Variants in NLRP6 observed in about 807,000 individuals in gnomAD.
NLRP6 encodes NACHT, LRR and PYD domains-containing protein 6.
A neutral mutation model predicts 70.9 loss-of-function variants in NLRP6; 55 were observed. The observed-to-expected ratio is 0.78, with a 90% CI of 0.62 to 0.97. The LOEUF is 0.97. Among genes scored for constraint, NLRP6 ranks in the 50% least tolerant of loss-of-function variants. NLRP6 has a pLI of 0.00. For missense variants in NLRP6, 1,241 were observed against 1,238.3 expected, an observed-to-expected ratio of 1.00 and a Z score of -0.03; for synonymous variants, 652 against 581.9, an observed-to-expected ratio of 1.12 and a Z score of -1.73.
In NLRP6 at chr11:281,813, G is replaced by A. The variant is rs780279809; in HGVS notation, c.2079G>A (p.Arg693=). The change falls in exon 4 of 8, where the codon CGG becomes CGA. Residue 693 remains arginine (R), a synonymous_variant. Transcript: ENST00000534750. ...QEKKKKSLGK[R]LQASLGGGSS... is the part of the protein sequence containing the mutation. Reference sequence around the variant, plus strand: ...AGAAGAAGAAGAGCCTGGGGAAGCGGCTCCAGGCCAGCCTGGGTGGCGGCA... The same window carrying A: ...AGAAGAAGAAGAGCCTGGGGAAGCGACTCCAGGCCAGCCTGGGTGGCGGCA... The A allele has an allele frequency of 1.3e-6, 2 of 1,588,052 alleles. No individual in the cohort carries two copies. Among genetic ancestry groups the A allele is most frequent in the African/African-American group, 1.3e-5 (1 of 74,666 alleles).
At chr11:279,930 G>A in intron 3 of NLRP6, 58 bp downstream of exon 3, 1 of 1,463,734 alleles carries the variant, frequency 6.8e-7, no homozygotes, top group South Asian at 1.4e-5. Flanking sequence ...GGGTCCCGGG[G>A]AGGACCGGGG....
Position 280,121 on chromosome 11 carries a change from G to A in NLRP6, c.387G>A (p.Leu129=). The part of the protein sequence containing the change: ...KKKYREHVLQ[L]HARVKERNAR... The stretch of plus-strand genomic sequence containing the variant: ...AGTACCGGGAGCACGTGCTGCAGCT[G>A]CACGCTCGGGTGAAGGAGAGGAACG... Residue 129 remains leucine (L), a synonymous_variant, in exon 4 of 8, where the codon CTG becomes CTA. Coordinates refer to ENST00000534750, the MANE Select transcript of NLRP6 (RefSeq NM_001276700.2). The A allele has an allele frequency of 1.3e-6, 2 of 1,531,616 alleles. No homozygotes were observed. The highest frequency in any genetic ancestry group is 1.8e-6 in the Non-Finnish European group (2 of 1,141,386). The allele number at this position is 1,531,616 out of a possible 1,614,324, so 94.9% of individuals were successfully genotyped here. A position where few individuals can be genotyped will look rare whatever the true frequency, so the allele number is the denominator to read the frequency against.
At position 284,606 on chromosome 11, in the gene NLRP6, T is replaced by C; in HGVS notation, c.2501T>C (p.Val834Ala). The C allele has an allele frequency of 6.2e-7, 1 of 1,610,692 alleles. No homozygotes were observed. Among genetic ancestry groups the C allele is most frequent in the South Asian group, 1.1e-5 (1 of 90,994 alleles). Residue 834 changes from valine to alanine, a missense_variant, in exon 7 of 8, where the codon GTC (valine) becomes GCC (alanine). Physicochemically the swap from Val to Ala is moderately conservative, Grantham distance 64. Transcript: ENST00000534750. ...CCCATGGTGACCTACCTGTGTGCAG[T>C]CCTGCAGCACCAGGGATGCGGCCTG... ...PAPMVTYLCA[V>A]LQHQGCGLQT...
chr11:281,693 C>T lies in NLRP6; in HGVS notation c.1959C>T (p.Arg653=), dbSNP rs1845482154. 1 of 1,613,352 alleles carries T rather than the reference C, an allele frequency of 6.2e-7. No individual in the cohort carries two copies. The highest frequency in any genetic ancestry group is 8.5e-7 in the Non-Finnish European group (1 of 1,180,042). The change falls in exon 4 of 8, where the codon CGC becomes CGT. Residue 653 remains arginine (R), a synonymous_variant. Transcript: ENST00000534750. The part of the protein sequence containing the change: ...ELALQRVRFC[R]MDVAVLSYCV... ...CGCTGCAGCGAGTGCGCTTCTGCCG[C>T]ATGGACGTGGCTGTTCTGAGCTACT...
At position 281,228 on chromosome 11, in the gene NLRP6, C is replaced by A. The variant is rs1359872000; in HGVS notation, c.1494C>A (p.Ile498=). 6.2e-7 allele frequency: 1 copy of A among 1,613,226 alleles called. No homozygotes were observed. Among genetic ancestry groups the A allele is most frequent in the East Asian group, 2.2e-5 (1 of 44,884 alleles). The change falls in exon 4 of 8, where the codon ATC becomes ATA. Residue 498 remains isoleucine (I), a synonymous_variant. Coordinates refer to ENST00000534750, the MANE Select transcript of NLRP6 (RefSeq NM_001276700.2). ...AGACAGAGGTCACCTACCAGTTCAT[C>A]GACCAGAGCTTCCAGGAGTTCCTCG... ...VLETEVTYQF[I]DQSFQEFLAA...
chr11:282,897 C>G lies in NLRP6; in HGVS notation c.2198+100C>G, dbSNP rs916102122. On this transcript the variant is annotated intron_variant, in intron 5 of 7. Coordinates refer to ENST00000534750, the MANE Select transcript of NLRP6 (RefSeq NM_001276700.2). The stretch of plus-strand genomic sequence containing the variant: ...GACCTAGGAAAGAAGGCTGAGGGGT[C>G]AGACCAGAGCCTGAGGCCTGTGGGT... 40 of 862,286 alleles carry G rather than the reference C, an allele frequency of 4.6e-5. No individual in the cohort carries two copies. The African/African-American group carries it at 6.1e-4, about 13-fold the overall frequency. 53.4% of individuals were successfully genotyped at this position (862,286 alleles called of 1,614,324 possible).
chr11:279,275 C>CG (rs1403052521), intron 1 of NLRP6, 52 bp from the exon 2 acceptor site: 2 of 914,124 alleles, frequency 2.2e-6, no homozygotes, highest in Admixed American at 4.8e-5. Context: ...CGGGGGCGGG[C>CG]GGGGGTCACC....
chr11:285,106 CCA>C, intron 7 of NLRP6, 58 bp from the exon 8 acceptor site: 4 of 1,532,708 alleles, frequency 2.6e-6, no homozygotes, highest in Non-Finnish European at 1.8e-6. Flanking sequence ...GGCACTGCCC[CCA>C]AGCCCTGGCT....
chr11:281,952 C>T, intron 4 of NLRP6, 113 bp downstream of exon 4: 1 of 945,560 alleles, frequency 1.1e-6, no homozygotes, highest in Non-Finnish European at 1.5e-6. Context: ...CAGACCCTGG[C>T]TCCCCAGATG....
At position 281,298 on chromosome 11, in the gene NLRP6, G is replaced by A. The variant is rs1845473109; in HGVS notation, c.1564G>A (p.Ala522Thr). 6 of 1,608,642 alleles carry A rather than the reference G, an allele frequency of 3.7e-6. No individual in the cohort carries two copies. In the African/African-American group the frequency reaches 4.0e-5, roughly 11 times the overall value. ...LLEDGGVPRT[A>T]AGGVGTLLRG... The stretch of plus-strand genomic sequence containing the variant: ...GGAGGACGGCGGGGTGCCCAGGACC[G>A]CGGCTGGCGGCGTTGGGACACTCCT... Residue 522 changes from alanine (A) to threonine (T), a missense_variant, in exon 4 of 8, where the codon GCG becomes ACG. Transcript: ENST00000534750.
Position 279,346 on chromosome 11 carries a change from G to A in NLRP6, c.49G>A (p.Val17Met). The A allele has an allele frequency of 7.7e-7, 1 of 1,290,838 alleles. No individual in the cohort carries two copies. 80.0% of individuals were successfully genotyped at this position (1,290,838 alleles called of 1,614,324 possible). A position where few individuals can be genotyped will look rare whatever the true frequency, so the allele number is the denominator to read the frequency against. ...CTCCAGCACGGGGCCGCGCCTCGCG[G>A]TGGCCCGCGAGCTGCTCCTGGCTGC... ...PCSSTGPRLAVARELLLAALE... is the reference protein window; with the variant it reads ...PCSSTGPRLAMARELLLAALE... The change falls in exon 2 of 8, where the codon GTG becomes ATG. Residue 17 changes from valine (V) to methionine (M), a missense_variant. Physicochemically the swap from Val to Met is conservative, Grantham distance 21. Transcript: ENST00000534750.
At position 279,352 on chromosome 11, in the gene NLRP6, C is replaced by T; in HGVS notation, c.55C>T (p.Arg19Cys). 7.7e-7 allele frequency: 1 copy of T among 1,294,696 alleles called. No individual in the cohort carries two copies. The highest frequency in any genetic ancestry group is 9.8e-7 in the Non-Finnish European group (1 of 1,020,950). The allele number at this position is 1,294,696 out of a possible 1,614,324, so 80.2% of individuals were successfully genotyped here. ...SSTGPRLAVA[R>C]ELLLAALEEL... ...CACGGGGCCGCGCCTCGCGGTGGCC[C>T]GCGAGCTGCTCCTGGCTGCGCTGGA... Residue 19 changes from arginine to cysteine, a missense_variant, in exon 2 of 8, where the codon CGC becomes TGC. Coordinates refer to ENST00000534750, the MANE Select transcript of NLRP6 (RefSeq NM_001276700.2).
chr11:282,482 C>T (rs75529679), intron 4 of NLRP6, among the ~76,000 whole-genome samples: 3,310 of 152,240 alleles, frequency 0.022, 123 homozygotes, highest in African/African-American at 0.075. Context: ...TGGGTGATAC[C>T]GTCCCACTGA....
At chr11:282,302 C>T (rs185799990) in intron 4 of NLRP6, among the ~76,000 whole-genome samples, 13 of 152,264 alleles carry the variant, frequency 8.5e-5, no homozygotes, top group Non-Finnish European at 1.5e-4. Context: ...ACATCTGCCC[C>T]ACACCTCCAC....
Position 281,330 on chromosome 11 carries a change from G to A in NLRP6, c.1596G>A (p.Gly532=), listed in dbSNP as rs748059789. The part of the protein sequence containing the change: ...AAGGVGTLLR[G]DAQPHSHLVL... Reference sequence around the variant, plus strand: ...GCGGCGTTGGGACACTCCTGCGTGGGGACGCCCAGCCGCACAGCCACTTGG... The same window carrying A: ...GCGGCGTTGGGACACTCCTGCGTGGAGACGCCCAGCCGCACAGCCACTTGG... Residue 532 remains glycine, a synonymous_variant, in exon 4 of 8, where the codon GGG becomes GGA. Transcript: ENST00000534750. 1 of 1,610,148 alleles carries A rather than the reference G, an allele frequency of 6.2e-7. No homozygotes were observed. Among genetic ancestry groups the A allele is most frequent in the Non-Finnish European group, 8.5e-7 (1 of 1,178,772 alleles).
chr11:283,526 G>A (rs1845508563), intron 5 of NLRP6, among the ~76,000 whole-genome samples: 1 of 151,950 alleles, frequency 6.6e-6, no homozygotes, highest in Admixed American at 6.6e-5. Flanking sequence ...GGTTAGCCAG[G>A]ATAGTCTCGA....
chr11:281,985 G>C (rs1396845124), intron 4 of NLRP6, 146 bp downstream of exon 4: 1 of 664,332 alleles, frequency 1.5e-6, no homozygotes, highest in African/African-American at 1.8e-5. Context: ...CCACCTCCTT[G>C]CAAGGCAACC....
Position 284,248 on chromosome 11 carries a change from C to G in NLRP6, c.2217C>G (p.Leu739=). 6.2e-7 allele frequency: 1 copy of G among 1,613,252 alleles called. No individual in the cohort carries two copies. The highest frequency in any genetic ancestry group is 8.5e-7 in the Non-Finnish European group (1 of 1,179,990). ...LSSLTLSHCK[L]PDAVCRDLSE... is the part of the protein sequence containing the mutation. Reference sequence around the variant, plus strand: ...ACCACAGGCTGTCCCACTGCAAACTCCCTGACGCGGTCTGCCGAGACCTTT... The same window carrying G: ...ACCACAGGCTGTCCCACTGCAAACTGCCTGACGCGGTCTGCCGAGACCTTT... The change falls in exon 6 of 8, where the codon CTC becomes CTG. Residue 739 remains leucine, a synonymous_variant. Coordinates refer to ENST00000534750, the MANE Select transcript of NLRP6 (RefSeq NM_001276700.2).
At chr11:284,426 T>G in intron 6 of NLRP6, 26 bp downstream of exon 6, 1 of 1,601,292 alleles carries the variant, frequency 6.2e-7, no homozygotes, top group Non-Finnish European at 8.5e-7. Flanking sequence ...GGAGGGACCG[T>G]GGGATGCCCC....
Sources: allele counts gnomAD v4.1 joint callset (sites outside exome capture counted in the v4.1 genomes callset), GRCh38; gene constraint gnomAD v4.1.1; transcripts MANE v1.5; gene names NCBI Gene and HGNC (gene_info 2026-07-23, HGNC 2026-07-21).